Variants in NKD2 observed in about 807,000 individuals in gnomAD.
The protein encoded by NKD2 is protein naked cuticle homolog 2.
NKD2 carries 43 observed loss-of-function variants against 34.8 expected under a neutral mutation model. The observed-to-expected ratio is 1.24, with a 90% CI of 0.97 to 1.60. The LOEUF is 1.60. NKD2 is among the 40% of genes most tolerant of loss of function. The pLI, the probability that NKD2 is intolerant of heterozygous loss-of-function variation, is 0.00. For synonymous variants in NKD2, 278 were observed against 265.1 expected (o/e 1.05, Z -0.47); for missense variants, 675 against 627.1 (o/e 1.08, Z -0.82).
Position 1,009,373 on chromosome 5 carries a change from G to A in NKD2, c.62-108G>A. Reference sequence around the variant, plus strand: ...GGACCCCCACGCCTGCCCCTGCGCGGTCTCCAGGCGATGGGGACACAGCGA... The same window carrying A: ...GGACCCCCACGCCTGCCCCTGCGCGATCTCCAGGCGATGGGGACACAGCGA... On this transcript the variant is annotated intron_variant, in intron 2 of 9. Coordinates refer to ENST00000296849, the MANE Select transcript of NKD2 (RefSeq NM_033120.4). This position sits in a 1 kb window ranked among gnomAD's most constrained non-coding sequence, Gnocchi z 6.9. The A allele has an allele frequency of 1.1e-6, 1 of 888,088 alleles. No homozygotes were observed. The highest frequency in any genetic ancestry group is 1.6e-6 in the Non-Finnish European group (1 of 610,954). The allele number at this position is 888,088 out of a possible 1,614,324, so 55.0% of individuals were successfully genotyped here.
chr5:1,036,297 C>T lies in NKD2; in HGVS notation c.700C>T (p.Pro234Ser), dbSNP rs1371463985. The T allele has an allele frequency of 6.2e-7, 1 of 1,612,356 alleles. No homozygotes were observed. Among genetic ancestry groups the T allele is most frequent in the Admixed American group, 1.7e-5 (1 of 59,986 alleles). Residue 234 changes from proline (P) to serine (S), a missense_variant, in exon 9 of 10, where the codon CCC becomes TCC. Pro to Ser is a moderately conservative substitution (Grantham distance 74). Coordinates refer to ENST00000296849, the MANE Select transcript of NKD2 (RefSeq NM_033120.4). ...TDPQPCSERGPYCVDENTERR... is the reference protein window; with the variant it reads ...TDPQPCSERGSYCVDENTERR... ...CCCCCAGCCCTGCTCGGAGCGGGGGCCCTACTGCGTGGACGAGAACACGGA... is the reference window on the plus strand; with the variant it reads ...CCCCCAGCCCTGCTCGGAGCGGGGGTCCTACTGCGTGGACGAGAACACGGA...
intron 3 of NKD2, among the ~76,000 whole-genome samples, chr5:1,025,874 G>A (rs946704410): frequency 1.0e-5 from 1 of 96,660 alleles, no homozygotes; most frequent in Admixed American, 1.2e-4. Context: ...CGCTGTGGGC[G>A]TCCCAGCCCG....
rs562742543 is a variant in NKD2 at position 1,038,251 on chromosome 5, C to G, written c.1234C>G (p.Arg412Gly). Residue 412 changes from arginine to glycine, a missense_variant, in exon 10 of 10, where the codon CGG (arginine) becomes GGG (glycine). By Grantham distance (125) the Arg-to-Gly change is moderately radical (BLOSUM62 -2). Coordinates refer to ENST00000296849, the MANE Select transcript of NKD2 (RefSeq NM_033120.4). This position sits in a 1 kb window ranked among gnomAD's most constrained non-coding sequence, Gnocchi z 4.5. ...QPATVEHEVV[R>G]DLPPTPAGEG... ...TGCCACAGTGGAGCACGAGGTGGTG[C>G]GGGACCTGCCGCCCACGCCAGCAGG... is the stretch of plus-strand genomic sequence containing the variant. The G allele has an allele frequency of 6.3e-7, 1 of 1,583,226 alleles. No homozygotes were observed. Among genetic ancestry groups the G allele is most frequent in the Non-Finnish European group, 8.6e-7 (1 of 1,168,286 alleles).
In NKD2 at chr5:1,038,496, C is replaced by A. The variant is rs1487009378; in HGVS notation, c.*123C>A. On this transcript the variant is annotated 3_prime_UTR_variant, in exon 10 of 10. Transcript: ENST00000296849. This position sits in a 1 kb window ranked among gnomAD's most constrained non-coding sequence, Gnocchi z 4.5. ...AGCCCCCACCCCCCACCTCCGACAG[C>A]AAACAGCAACTGACTGCAGGTGCTG... is the stretch of plus-strand genomic sequence containing the variant. 71 of 1,523,564 alleles carry A rather than the reference C, an allele frequency of 4.7e-5. No individual in the cohort carries two copies. Among genetic ancestry groups the A allele is most frequent in the South Asian group, 2.0e-4 (17 of 83,650 alleles). The allele number at this position is 1,523,564 out of a possible 1,614,324, so 94.4% of individuals were successfully genotyped here.
intron 6 of NKD2, among the ~76,000 whole-genome samples, 171 bp from the exon 7 acceptor site, chr5:1,034,585 C>G (rs1180893861): frequency 6.6e-6 from 1 of 152,198 alleles, no homozygotes; most frequent in African/African-American, 2.4e-5. Context: ...ACAGGGCCAC[C>G]TGGGCAGACC....
At chr5:1,018,566 G>A (rs972380240) in intron 3 of NKD2, among the ~76,000 whole-genome samples, 1 of 149,886 alleles carries the variant, frequency 6.7e-6, no homozygotes, top group Non-Finnish European at 1.5e-5. Context: ...CAGTCAGGGC[G>A]ACTCAGGGGC....
At chr5:1,021,522 C>T (rs1236559008) in intron 3 of NKD2, among the ~76,000 whole-genome samples, 2 of 151,360 alleles carry the variant, frequency 1.3e-5, no homozygotes, top group South Asian at 4.2e-4. Context: ...AAGGAACTGG[C>T]GCACAGTGTT....
At chr5:1,014,648 G>T (rs560710824) in intron 3 of NKD2, among the ~76,000 whole-genome samples, 6 of 152,336 alleles carry the variant, frequency 3.9e-5, no homozygotes, top group Admixed American at 2.6e-4. Flanking sequence ...GGCCCCGACT[G>T]GGGGAAACAC....
At chr5:1,021,968 G>A (rs948969439) in intron 3 of NKD2, among the ~76,000 whole-genome samples, 1 of 152,124 alleles carries the variant, frequency 6.6e-6, no homozygotes, top group South Asian at 2.1e-4. Flanking sequence ...AGCCTGCTGC[G>A]ACCAACCCCT....
chr5:1,027,232 G>C (rs1286000731), intron 3 of NKD2, among the ~76,000 whole-genome samples: 1 of 152,248 alleles, frequency 6.6e-6, no homozygotes, highest in Non-Finnish European at 1.5e-5. Flanking sequence ...AGTGCAAGGT[G>C]GCCAAGGCGC....
intron 3 of NKD2, among the ~76,000 whole-genome samples, chr5:1,015,480 T>C (rs67934908): frequency 0.12 from 17,725 of 152,214 alleles, 1,163 homozygotes; most frequent in African/African-American, 0.17. Flanking sequence ...ACCTGCCAGA[T>C]CACTGGGTCC....
In NKD2 at chr5:1,038,904, G is replaced by A. The variant is rs972058931; in HGVS notation, c.*531G>A. On this transcript the variant is annotated 3_prime_UTR_variant, in exon 10 of 10. Transcript: ENST00000296849. This position sits in a 1 kb window ranked among gnomAD's most constrained non-coding sequence, Gnocchi z 4.5. ...GAGCATCCGCGGCTCCCCGCAGGAGGCCAAGCAGCAGAAGGCAGCAGTGCT... is the reference window on the plus strand; with the variant it reads ...GAGCATCCGCGGCTCCCCGCAGGAGACCAAGCAGCAGAAGGCAGCAGTGCT... 7 of 223,346 alleles carry A rather than the reference G, an allele frequency of 3.1e-5. No homozygotes were observed. The highest frequency in any genetic ancestry group is 1.2e-4 in the East Asian group (1 of 8,482). 13.8% of individuals were successfully genotyped at this position (223,346 alleles called of 1,614,324 possible). A position where few individuals can be genotyped will look rare whatever the true frequency, so the allele number is the denominator to read the frequency against.
intron 3 of NKD2, among the ~76,000 whole-genome samples, chr5:1,027,478 T>G (rs1374540056): frequency 6.6e-6 from 1 of 152,182 alleles, no homozygotes; most frequent in Non-Finnish European, 1.5e-5. Flanking sequence ...CCTTCCTCTC[T>G]GTCTCTCTCC....
rs372345732 is a variant in NKD2, at chr5:1,017,469, C to T, written c.141+7909C>T. On this transcript the variant is annotated intron_variant, in intron 3 of 9. Transcript: ENST00000296849. ...TGCTCCTGAGGGCTGTGGTGTAACA[C>T]GAAAGAACGTTGCTGTAGGCTTCCA... 1.4e-4 allele frequency among the ~76,000 whole-genome samples: 21 copies of T among 152,352 alleles called. No homozygotes were observed. The East Asian group carries it at 2.3e-3, about 17-fold the overall frequency.
At chr5:1,036,487 G>GCCCCCCCCCCCCCCCCCCCCCCCC in intron 9 of NKD2, 103 bp downstream of exon 9, 1 of 675,016 alleles carries the variant, frequency 1.5e-6, no homozygotes, top group Non-Finnish European at 2.2e-6. Flanking sequence ...TCCCTGCCCT[G>GCCCCCCCCCCCCCCCCCCCCCCCC]CCCCGCCCCC....
chr5:1,018,528 C>T (rs1334221276), intron 3 of NKD2, among the ~76,000 whole-genome samples: 2 of 152,166 alleles, frequency 1.3e-5, no homozygotes, highest in South Asian at 2.1e-4. Context: ...GCAGCGGGCT[C>T]ACGTGTGTTG....
chr5:1,036,353 G>A lies in NKD2; in HGVS notation c.756G>A (p.Gly252=). Residue 252 remains glycine (G), a synonymous_variant, in exon 9 of 10, where the codon GGG becomes GGA. Transcript: ENST00000296849. ...GAAACCACTACCTGGACCTCGCCGG[G>A]ATTGAGAACTACACGTCCAGATTCG... ...ERRNHYLDLA[G]IENYTSRFGP... 6.2e-7 allele frequency: 1 copy of A among 1,612,942 alleles called. No homozygotes were observed. Among genetic ancestry groups the A allele is most frequent in the Non-Finnish European group, 8.5e-7 (1 of 1,179,816 alleles).
At chr5:1,019,917 T>A (rs1051339379) in intron 3 of NKD2, among the ~76,000 whole-genome samples, 1 of 152,160 alleles carries the variant, frequency 6.6e-6, no homozygotes, top group Admixed American at 6.5e-5. Context: ...CGGGTCTGCT[T>A]TCAATCCCAG....
At chr5:1,037,521 G>A (rs1734046874) in intron 9 of NKD2, 1 of 1,535,776 alleles carries the variant, frequency 6.5e-7, no homozygotes. Context: ...CCCAAGCAGG[G>A]TCTCAGCTGT....
Sources: allele counts gnomAD v4.1 joint callset (sites outside exome capture counted in the v4.1 genomes callset), GRCh38; gene constraint gnomAD v4.1.1; non-coding constraint Gnocchi (gnomAD v3.1); transcripts MANE v1.5; gene names NCBI Gene and HGNC (gene_info 2026-07-23, HGNC 2026-07-21).